The following RNF180 variants were observed in gnomAD, a reference collection of about 807,000 sequenced individuals.
RNF180 encodes the protein ring finger protein 180, also known as E3 ubiquitin-protein ligase RNF180.
Under a neutral mutation model 59.2 loss-of-function variants are expected in RNF180, and 38 were observed. That is an observed-to-expected ratio of 0.64 (90% CI 0.50 to 0.84). The LOEUF is 0.84. RNF180 is among the 40% of genes least tolerant of loss of function. The pLI, the probability that RNF180 is intolerant of heterozygous loss-of-function variation, is 0.00. For missense variants in RNF180, 705 were observed against 700.9 expected (o/e 1.01, Z -0.07); for synonymous variants, 262 against 240.3 (o/e 1.09, Z -0.84).
intron 7 of RNF180, among the ~76,000 whole-genome samples, chr5:64,363,145 C>T (rs1031210838): frequency 8.6e-5 from 13 of 151,696 alleles, no homozygotes; most frequent in African/African-American, 3.1e-4. Context: ...TTGCTTTTGG[C>T]ATCTTCATCA....
chr5:64,202,868 A>G (rs1751822932), intron 2 of RNF180, among the ~76,000 whole-genome samples: 1 of 152,176 alleles, frequency 6.6e-6, no homozygotes, highest in Non-Finnish European at 1.5e-5. Flanking sequence ...GGCACAGAAG[A>G]TTAGGTAATT....
rs527324785 is a variant in RNF180 at position 64,257,598 on chromosome 5, G to A, written c.1227+40202G>A. Among the ~76,000 whole-genome samples, 6 of 152,070 alleles carry A rather than the reference G, an allele frequency of 3.9e-5. No individual in the cohort carries two copies. In the East Asian group the frequency reaches 5.8e-4, roughly 15 times the overall value. ...AGCTTTTTGATGTGCTGCTGAATTCGGTTTGCCAGTATTTTATTGAGGATT... is the reference window on the plus strand; with the variant it reads ...AGCTTTTTGATGTGCTGCTGAATTCAGTTTGCCAGTATTTTATTGAGGATT... On this transcript the variant is annotated intron_variant, in intron 5 of 7. Coordinates refer to ENST00000389100, the MANE Select transcript of RNF180 (RefSeq NM_001113561.2).
Position 64,251,056 on chromosome 5 carries a change from A to G in RNF180, c.1227+33660A>G, listed in dbSNP as rs180677466. Reference sequence around the variant, plus strand: ...CAGGGAAGCAAGTGTATTTCAACATACATAAATAAATAAATGTGATACATC... The same window carrying G: ...CAGGGAAGCAAGTGTATTTCAACATGCATAAATAAATAAATGTGATACATC... On this transcript the variant is annotated intron_variant, in intron 5 of 7. Transcript: ENST00000389100. 4.3e-3 allele frequency among the ~76,000 whole-genome samples: 659 copies of G among 152,340 alleles called. 6 individuals carry two copies. Among genetic ancestry groups the G allele is most frequent in the Non-Finnish European group, 6.5e-3 (439 of 68,026 alleles).
At chr5:64,318,599 T>A (rs1744186173) in intron 5 of RNF180, among the ~76,000 whole-genome samples, 1 of 152,174 alleles carries the variant, frequency 6.6e-6, no homozygotes, top group African/African-American at 2.4e-5. Context: ...TTTCATTTAC[T>A]TTATACATAC....
At chr5:64,235,678 C>G (rs1431558734) in intron 5 of RNF180, among the ~76,000 whole-genome samples, 7 of 151,950 alleles carry the variant, frequency 4.6e-5, no homozygotes, top group Non-Finnish European at 8.8e-5. Flanking sequence ...GTAATCCCCA[C>G]GTGGGAGGGG....
intron 7 of RNF180, among the ~76,000 whole-genome samples, chr5:64,360,042 G>A (rs1021478549): frequency 2.6e-5 from 4 of 151,950 alleles, no homozygotes; most frequent in Non-Finnish European, 5.9e-5. Context: ...ACTTAGCCTT[G>A]TAGTAAAGTT....
intron 5 of RNF180, among the ~76,000 whole-genome samples, chr5:64,279,984 G>A (rs6886137): frequency 0.049 from 7,502 of 152,154 alleles, 613 homozygotes; most frequent in African/African-American, 0.16. Context: ...TCCCAGATAC[G>A]TAGGAGGCTG....
In RNF180 at chr5:64,214,239, C is replaced by A; in HGVS notation, c.913C>A (p.Gln305Lys). 1 of 1,614,006 alleles carries A rather than the reference C, an allele frequency of 6.2e-7. No individual in the cohort carries two copies. The highest frequency in any genetic ancestry group is 8.5e-7 in the Non-Finnish European group (1 of 1,179,984). The change falls in exon 4 of 8, where the codon CAA (glutamine) becomes AAA (lysine). Residue 305 changes from glutamine to lysine, a missense_variant. Coordinates refer to ENST00000389100, the MANE Select transcript of RNF180 (RefSeq NM_001113561.2). ...FSVAPHETQT[Q>K]RGGEFQCGLE... ...AGTGGCCCCCCATGAGACCCAGACA[C>A]AAAGAGGAGGAGAATTTCAGTGTGG...
chr5:64,237,266 T>C (rs537415787), intron 5 of RNF180, among the ~76,000 whole-genome samples: 1 of 152,326 alleles, frequency 6.6e-6, no homozygotes, highest in Admixed American at 6.5e-5. Context: ...GCATGCCCTG[T>C]ATGTGAGACC....
intron 5 of RNF180, among the ~76,000 whole-genome samples, chr5:64,297,586 A>G (rs913384198): frequency 4.6e-5 from 7 of 152,106 alleles, no homozygotes; most frequent in Non-Finnish European, 7.4e-5. Context: ...GATACCAACT[A>G]TAGTCTCAAG....
At chr5:64,340,409 T>C (rs1297061853) in intron 7 of RNF180, among the ~76,000 whole-genome samples, 1 of 152,224 alleles carries the variant, frequency 6.6e-6, no homozygotes, top group Non-Finnish European at 1.5e-5. Flanking sequence ...TGGTCATTAG[T>C]TTGCCTGAAG....
At chr5:64,357,245 CT>C (rs915149316) in intron 7 of RNF180, among the ~76,000 whole-genome samples, 55 of 151,842 alleles carry the variant, frequency 3.6e-4, no homozygotes, top group Non-Finnish European at 2.9e-4. Flanking sequence ...TTTGCATTAA[CT>C]TTTTAAGTAT....
At chr5:64,205,812 A>C (rs1201464715) in intron 2 of RNF180, among the ~76,000 whole-genome samples, 1 of 152,168 alleles carries the variant, frequency 6.6e-6, no homozygotes, top group Non-Finnish European at 1.5e-5. Context: ...GAGTGAAAAA[A>C]ATAGAACCGA....
intron 7 of RNF180, among the ~76,000 whole-genome samples, chr5:64,336,825 A>C (rs1745145809): frequency 1.3e-5 from 2 of 151,924 alleles, no homozygotes; most frequent in Admixed American, 1.3e-4. Flanking sequence ...AGACATTACA[A>C]ATTTCTTCTG....
intron 1 of RNF180, among the ~76,000 whole-genome samples, chr5:64,195,844 C>T (rs1751428448): frequency 1.3e-5 from 2 of 152,314 alleles, no homozygotes; most frequent in South Asian, 4.2e-4. Flanking sequence ...CTGGACAGGG[C>T]ACCATTCCAT....
At chr5:64,315,927 T>TC in intron 5 of RNF180, among the ~76,000 whole-genome samples, 1 of 152,182 alleles carries the variant, frequency 6.6e-6, no homozygotes, top group South Asian at 2.1e-4. Context: ...TTTCTTTTTT[T>TC]CCCATAAGTG....
At chr5:64,206,165 A>C (rs1222926455) in intron 2 of RNF180, among the ~76,000 whole-genome samples, 3 of 152,202 alleles carry the variant, frequency 2.0e-5, no homozygotes, top group African/African-American at 7.2e-5. Flanking sequence ...TGAGAGTTAA[A>C]AGTGTCCATT....
chr5:64,318,164 A>G (rs978161532), intron 5 of RNF180, among the ~76,000 whole-genome samples: 1 of 152,210 alleles, frequency 6.6e-6, no homozygotes, highest in Admixed American at 6.5e-5. Context: ...AACCTGTGAT[A>G]AAGTTTAACT....
In RNF180 at chr5:64,369,626, C is replaced by T. The variant is rs1157627113; in HGVS notation, c.1591C>T (p.His531Tyr). 1 of 1,516,316 alleles carries T rather than the reference C, an allele frequency of 6.6e-7. No homozygotes were observed. Among genetic ancestry groups the T allele is most frequent in the East Asian group, 2.5e-5 (1 of 40,352 alleles). 93.9% of individuals were successfully genotyped at this position (1,516,316 alleles called of 1,614,324 possible). ...CATACATCTTCTAGGTTTCCGCAGACATGCAGCTCCAGTTACAAGAAGGCA... is the reference window on the plus strand; with the variant it reads ...CATACATCTTCTAGGTTTCCGCAGATATGCAGCTCCAGTTACAAGAAGGCA... ...AFHLFGGFRR[H>Y]AAPVTRRQFP... Residue 531 changes from histidine to tyrosine, a missense_variant, in exon 8 of 8, where the codon CAT becomes TAT. His to Tyr is a moderately conservative substitution (Grantham distance 83). Coordinates refer to ENST00000389100, the MANE Select transcript of RNF180 (RefSeq NM_001113561.2).
Sources: gnomAD v4.1 joint callset for allele counts (sites outside exome capture counted in the v4.1 genomes callset) on GRCh38, gnomAD v4.1.1 for gene constraint, MANE v1.5 for transcripts, NCBI Gene and HGNC (gene_info 2026-07-23, HGNC 2026-07-21) for gene names.